The following ME1 variants were observed in gnomAD, a reference collection of about 807,000 sequenced individuals.
ME1 encodes the protein malic enzyme 1.
In ME1, 74 loss-of-function variants were observed where a neutral mutation model predicts 66.4. That is an observed-to-expected ratio of 1.11 (90% confidence interval 0.92 to 1.35). The LOEUF (loss-of-function observed/expected upper bound fraction) is 1.35, where lower values mean the gene tolerates loss of function less well. ME1 is among the 40% of genes most tolerant of loss of function. The probability of loss-of-function intolerance (pLI) is 0.00; values close to 1 mark genes in which losing one functional copy is unlikely to be tolerated. For synonymous variants in ME1, 251 were observed against 235.6 expected (o/e 1.07, Z -0.60); for missense variants, 750 against 694.1 (o/e 1.08, Z -0.90).
At chr6:83,307,223 C>T (rs1366849791) in intron 6 of ME1, among the ~76,000 whole-genome samples, 2 of 150,208 alleles carry the variant, frequency 1.3e-5, no homozygotes, top group Non-Finnish European at 3.0e-5. Flanking sequence ...TTTTTGTTCA[C>T]TTGAAAAAAA....
intron 2 of ME1, among the ~76,000 whole-genome samples, chr6:83,398,826 G>A (rs866503151): frequency 6.6e-5 from 10 of 151,478 alleles, no homozygotes; most frequent in Admixed American, 1.3e-4. Flanking sequence ...AAAAGTGGCC[G>A]GGCATGGTGG....
chr6:83,239,817 T>A (rs1009875512), intron 7 of ME1, among the ~76,000 whole-genome samples, 181 bp from the exon 8 acceptor site: 1 of 152,076 alleles, frequency 6.6e-6, no homozygotes, highest in Non-Finnish European at 1.5e-5. Context: ...CATCAATATT[T>A]TAAGATAGCA....
At chr6:83,272,852 C>A (rs974634115) in intron 6 of ME1, among the ~76,000 whole-genome samples, 1 of 152,010 alleles carries the variant, frequency 6.6e-6, no homozygotes, top group Non-Finnish European at 1.5e-5. Flanking sequence ...TAAACTAATT[C>A]TCTAAAAGCA....
intron 13 of ME1, among the ~76,000 whole-genome samples, chr6:83,215,681 T>C (rs1789977266): frequency 6.6e-6 from 1 of 152,156 alleles, no homozygotes; most frequent in Non-Finnish European, 1.5e-5. Flanking sequence ...AAAGGCCATA[T>C]GGGGACACAG....
chr6:83,404,470 A>G (rs1258807947), intron 2 of ME1, among the ~76,000 whole-genome samples: 3 of 152,152 alleles, frequency 2.0e-5, no homozygotes, highest in Non-Finnish European at 4.4e-5. Context: ...CTCCGATGAT[A>G]GTTTCTTTTG....
At chr6:83,383,283 T>C (rs1420941972) in intron 3 of ME1, among the ~76,000 whole-genome samples, 4 of 151,932 alleles carry the variant, frequency 2.6e-5, no homozygotes, top group Non-Finnish European at 5.9e-5. Context: ...TCTGAATGAT[T>C]GTTTTACATT....
chr6:83,309,577 G>T (rs1342952163), intron 6 of ME1, among the ~76,000 whole-genome samples: 2 of 152,086 alleles, frequency 1.3e-5, no homozygotes, highest in Admixed American at 1.3e-4. Context: ...TGTTACATAT[G>T]CTATGTCTAT....
chr6:83,277,901 A>AAATAATAATGATAATAATAAT (rs1767215670), intron 6 of ME1, among the ~76,000 whole-genome samples: 1 of 144,098 alleles, frequency 6.9e-6, no homozygotes, highest in Admixed American at 7.1e-5. Flanking sequence ...CTGTATCTCA[A>AAATAATAATGATAATAATAAT]AATAATAATA....
chr6:83,305,626 C>A (rs1767809750), intron 6 of ME1, among the ~76,000 whole-genome samples: 1 of 152,030 alleles, frequency 6.6e-6, no homozygotes, highest in Non-Finnish European at 1.5e-5. Flanking sequence ...GGAGAGTGAG[C>A]ACATCATAGA....
intron 9 of ME1, 105 bp from the exon 10 acceptor site, chr6:83,229,036 T>C (rs1434667354): frequency 1.4e-6 from 1 of 727,022 alleles, no homozygotes; most frequent in Non-Finnish European, 2.4e-6. Context: ...TTTTTATGTA[T>C]GATGTGTTAC....
At chr6:83,290,768 A>C (rs1767486442) in intron 6 of ME1, among the ~76,000 whole-genome samples, 1 of 152,180 alleles carries the variant, frequency 6.6e-6, no homozygotes. Context: ...GTCTCTTTGT[A>C]GGTCTCCAAG....
chr6:83,253,596 T>G, intron 7 of ME1, 33 bp downstream of exon 7: 2 of 1,019,482 alleles, frequency 2.0e-6, no homozygotes, highest in Non-Finnish European at 3.1e-6. Flanking sequence ...TTCAGACATG[T>G]TATTGATCCA....
chr6:83,286,184 TATA>T (rs1767393028), intron 6 of ME1, among the ~76,000 whole-genome samples: 1 of 152,184 alleles, frequency 6.6e-6, no homozygotes, highest in South Asian at 2.1e-4. Flanking sequence ...ATTGGGTGGC[TATA>T]ATAAGTTACT....
intron 6 of ME1, among the ~76,000 whole-genome samples, chr6:83,287,447 T>C (rs974419278): frequency 1.3e-5 from 2 of 152,194 alleles, no homozygotes; most frequent in Admixed American, 1.3e-4. Context: ...AATGATGGTT[T>C]CTAGCTTCAT....
chr6:83,300,163 T>C (rs1429048420), intron 6 of ME1, among the ~76,000 whole-genome samples: 3 of 152,108 alleles, frequency 2.0e-5, no homozygotes, highest in Non-Finnish European at 4.4e-5. Context: ...CCCTATTCAA[T>C]AAATGGTGCT....
intron 12 of ME1, among the ~76,000 whole-genome samples, chr6:83,220,882 C>T (rs1338892278): frequency 6.6e-6 from 1 of 152,070 alleles, no homozygotes; most frequent in Admixed American, 6.6e-5. Flanking sequence ...ATCTACAGGC[C>T]AGGCGCGGTG....
At chr6:83,418,393 A>G (rs1290646350) in intron 1 of ME1, among the ~76,000 whole-genome samples, 12 of 152,108 alleles carry the variant, frequency 7.9e-5, no homozygotes, top group Non-Finnish European at 1.6e-4. Flanking sequence ...TTTGAGTCCA[A>G]GGGCAGGAAA....
At chr6:83,392,923 C>T in intron 3 of ME1, 2 of 810,778 alleles carry the variant, frequency 2.5e-6, no homozygotes, top group Non-Finnish European at 4.3e-6. Flanking sequence ...AACTTTGGTA[C>T]CGTGGAAGGA....
intron 6 of ME1, among the ~76,000 whole-genome samples, chr6:83,278,136 A>G (rs1767223085): frequency 1.3e-5 from 2 of 152,136 alleles, no homozygotes; most frequent in Admixed American, 1.3e-4. Flanking sequence ...GGTTGCCCCC[A>G]AAACTAGAAA....
Sources: gnomAD v4.1 joint callset for allele counts (sites outside exome capture counted in the v4.1 genomes callset) on GRCh38, gnomAD v4.1.1 for gene constraint, MANE v1.5 for transcripts, NCBI Gene and HGNC (gene_info 2026-07-23, HGNC 2026-07-21) for gene names.